The following USP8 variants were observed in gnomAD, a reference collection of about 807,000 sequenced individuals.
The protein encoded by USP8 is ubiquitin specific peptidase 8, also known as ubiquitin carboxyl-terminal hydrolase 8.
Under a neutral mutation model 130.0 loss-of-function variants are expected in USP8, and 27 were observed. The ratio of observed to expected loss-of-function variants is 0.21; its 90% CI spans 0.15 to 0.29. The LOEUF (loss-of-function observed/expected upper bound fraction) is 0.29, where lower values mean the gene tolerates loss of function less well. USP8 is among the 10% of genes least tolerant of loss of function. The pLI, the probability that USP8 is intolerant of heterozygous loss-of-function variation, is 1.00. For synonymous variants in USP8, 392 were observed against 444.1 expected (o/e 0.88, Z 1.48); for missense variants, 1,029 against 1,312.2 (o/e 0.78, Z 3.33).
At chr15:50,476,753 T>C (rs2051579351) in intron 8 of USP8, 96 bp from the exon 9 acceptor site, 1 of 1,319,494 alleles carries the variant, frequency 7.6e-7, no homozygotes, top group East Asian at 2.7e-5. Flanking sequence ...AGATAAATTT[T>C]GTCCTTAAGG....
intron 1 of USP8, among the ~76,000 whole-genome samples, chr15:50,429,881 TAAA>T (rs1168331145): frequency 1.3e-5 from 2 of 152,270 alleles, no homozygotes; most frequent in South Asian, 2.1e-4. Context: ...TTGCATCTGT[TAAA>T]AAATTAATGA....
intron 15 of USP8, 75 bp from the exon 16 acceptor site, chr15:50,493,995 A>C (rs992269540): frequency 1.3e-6 from 2 of 1,509,480 alleles, no homozygotes; most frequent in African/African-American, 2.8e-5. Context: ...TCATGTTGAC[A>C]TCAAGAATCT....
chr15:50,473,970 G>A (rs572878638), intron 8 of USP8, among the ~76,000 whole-genome samples: 104 of 151,666 alleles, frequency 6.9e-4, no homozygotes, highest in African/African-American at 2.4e-3. Flanking sequence ...CAAGTAGCTG[G>A]GATTACAGGC....
chr15:50,430,480 T>C (rs2049895758), intron 1 of USP8, among the ~76,000 whole-genome samples: 1 of 152,174 alleles, frequency 6.6e-6, no homozygotes, highest in South Asian at 2.1e-4. Context: ...CATGGTTCAT[T>C]GCAAGCTCAA....
At chr15:50,493,833 G>A (rs924478967) in intron 15 of USP8, 4 of 660,962 alleles carry the variant, frequency 6.1e-6, no homozygotes, top group Non-Finnish European at 1.1e-5. Flanking sequence ...GTCATGAACT[G>A]GAGCCTGTTG....
chr15:50,494,867 T>C (rs957644702), intron 16 of USP8, among the ~76,000 whole-genome samples: 1 of 152,076 alleles, frequency 6.6e-6, no homozygotes, highest in Non-Finnish European at 1.5e-5. Flanking sequence ...ATACAAAAAT[T>C]GGCTGGGTGT....
chr15:50,462,390 C>G (rs1039752288), intron 6 of USP8, 68 bp downstream of exon 6: 32 of 1,392,388 alleles, frequency 2.3e-5, no homozygotes, highest in Non-Finnish European at 3.0e-5. Flanking sequence ...GAATAAGCAT[C>G]AGGTTTTATA....
intron 3 of USP8, among the ~76,000 whole-genome samples, chr15:50,443,761 C>A (rs930101415): frequency 6.6e-6 from 1 of 152,076 alleles, no homozygotes; most frequent in Non-Finnish European, 1.5e-5. Context: ...GGATTCCAGG[C>A]TTGAGCCATC....
intron 1 of USP8, among the ~76,000 whole-genome samples, chr15:50,426,299 C>T (rs2049720323): frequency 6.6e-6 from 1 of 152,056 alleles, no homozygotes; most frequent in Non-Finnish European, 1.5e-5. Context: ...AAAAAAATGT[C>T]TTCAGGTATG....
chr15:50,480,328 G>A (rs2051719611), intron 10 of USP8, among the ~76,000 whole-genome samples: 1 of 152,124 alleles, frequency 6.6e-6, no homozygotes, highest in African/African-American at 2.4e-5. Context: ...AGTTTTTAGG[G>A]AAGATTGCAT....
chr15:50,459,713 A>G (rs1181436333), intron 5 of USP8, among the ~76,000 whole-genome samples: 4 of 152,160 alleles, frequency 2.6e-5, no homozygotes, highest in Non-Finnish European at 5.9e-5. Context: ...ACTTAATTAG[A>G]GCAATAGAAA....
chr15:50,437,302 C>G (rs1469930875), intron 1 of USP8, among the ~76,000 whole-genome samples: 4 of 152,204 alleles, frequency 2.6e-5, no homozygotes, highest in Admixed American at 1.3e-4. Flanking sequence ...CTGATTACAA[C>G]TCTCCCTCTC....
intron 1 of USP8, among the ~76,000 whole-genome samples, chr15:50,426,393 A>C (rs2049725308): frequency 6.6e-6 from 1 of 152,220 alleles, no homozygotes; most frequent in South Asian, 2.1e-4. Flanking sequence ...CTGCATAACA[A>C]ATCACTCCAA....
rs2052627617 is a variant in USP8, at chr15:50,504,211, A to G, written c.*5123A>G. On this transcript the variant is annotated 3_prime_UTR_variant, in exon 20 of 20. Transcript: ENST00000307179. ...GAGATGACTTAAAGTATATGGGAGG[A>G]TGTGCATAGGTTACATGCAAATACT... 1 of 152,152 alleles carries G rather than the reference A, an allele frequency of 6.6e-6. No individual in the cohort carries two copies. The allele number at this position is 152,152 out of a possible 1,614,324, so 9.4% of individuals were successfully genotyped here. A position where few individuals can be genotyped will look rare whatever the true frequency, so the allele number is the denominator to read the frequency against.
intron 2 of USP8, among the ~76,000 whole-genome samples, chr15:50,439,791 A>AATC (rs1181689806): frequency 5.0e-5 from 2 of 40,002 alleles, no homozygotes; most frequent in Non-Finnish European, 7.9e-5. Context: ...ACTCTGTCTC[A>AATC]ATAATAATAA....
chr15:50,497,281 T>G, intron 18 of USP8, 50 bp downstream of exon 18: 1 of 1,551,054 alleles, frequency 6.4e-7, no homozygotes, highest in Admixed American at 2.1e-5. Flanking sequence ...ATGAGGGAAT[T>G]TTAAGTTCTG....
At chr15:50,433,434 C>A (rs914956992) in intron 1 of USP8, among the ~76,000 whole-genome samples, 2 of 152,000 alleles carry the variant, frequency 1.3e-5, no homozygotes, top group Non-Finnish European at 2.9e-5. Flanking sequence ...TTGCCAAAGA[C>A]CTTAGGAGTG....
chr15:50,500,834 G>A lies in USP8; in HGVS notation c.*1746G>A, dbSNP rs977721622. On this transcript the variant is annotated 3_prime_UTR_variant, in exon 20 of 20. Coordinates refer to ENST00000307179, the MANE Select transcript of USP8 (RefSeq NM_005154.5). ...TGGCCACCATCCAAATCACCAAAAT[G>A]GTTCTATGGGAGAAAGGAATGTCAA... The A allele has an allele frequency of 1.9e-6, 3 of 1,577,934 alleles. No homozygotes were observed. The East Asian group carries it at 6.9e-5, about 36-fold the overall frequency.
At chr15:50,440,182 C>G (rs1472145427) in intron 2 of USP8, among the ~76,000 whole-genome samples, 1 of 152,210 alleles carries the variant, frequency 6.6e-6, no homozygotes, top group Non-Finnish European at 1.5e-5. Flanking sequence ...GAAAACAACT[C>G]TAACTCCTGT....
Sources: gnomAD v4.1 joint callset for allele counts (sites outside exome capture counted in the v4.1 genomes callset) on GRCh38, gnomAD v4.1.1 for gene constraint, MANE v1.5 for transcripts, NCBI Gene and HGNC (gene_info 2026-07-23, HGNC 2026-07-21) for gene names.